Variants in DPF3 observed in about 807,000 individuals in gnomAD.
DPF3 encodes zinc finger protein DPF3.
DPF3 carries 18 observed loss-of-function variants against 56.8 expected under a neutral mutation model. The observed-to-expected ratio is 0.32, with a 90% CI of 0.22 to 0.47. The LOEUF (loss-of-function observed/expected upper bound fraction) is 0.47. DPF3 is among the 20% of genes least tolerant of loss of function. DPF3 has a pLI of 1.00. For synonymous variants in DPF3, 188 were observed against 180.2 expected, an observed-to-expected ratio of 1.04 and a Z score of -0.35; for missense variants, 403 against 488.8, an observed-to-expected ratio of 0.82 and a Z score of 1.65.
chr14:72,784,360 C>T (rs560441821), intron 1 of DPF3, among the ~76,000 whole-genome samples: 1 of 152,060 alleles, frequency 6.6e-6, no homozygotes, highest in East Asian at 1.9e-4. Context: ...TGAGTGCACC[C>T]TAGAAATGCC....
chr14:72,882,723 G>A (rs1599523207), intron 1 of DPF3, among the ~76,000 whole-genome samples: 1 of 152,270 alleles, frequency 6.6e-6, no homozygotes, highest in Middle Eastern at 3.4e-3. Flanking sequence ...TAATTAGCAG[G>A]AGAGAATATA....
Position 72,767,772 on chromosome 14 carries a change from AAAAAAAAC to A in DPF3, c.193+3953_193+3960del, listed in dbSNP as rs779622997. Among the ~76,000 whole-genome samples the A allele has an allele frequency of 5.5e-3, 820 of 150,432 alleles. 6 individuals carry two copies. The highest frequency in any genetic ancestry group is 9.4e-3 in the Non-Finnish European group (636 of 67,594). On this transcript the variant is annotated intron_variant, in intron 2 of 10. Transcript: ENST00000556509. Reference sequence around the variant, plus strand: ...TTCCCAAATTTGGCAAAAAAAAAAAAAAAAAAACCCCATAAACCCACAGGTTGAAGAAG... The same window carrying A: ...TTCCCAAATTTGGCAAAAAAAAAAAACCCATAAACCCACAGGTTGAAGAAG...
intron 1 of DPF3, among the ~76,000 whole-genome samples, chr14:72,806,447 A>T (rs1049482702): frequency 6.6e-6 from 1 of 152,026 alleles, no homozygotes. Context: ...TCCTCTGCTC[A>T]TCTCTCCACA....
At chr14:72,886,962 A>G (rs879008567) in intron 1 of DPF3, among the ~76,000 whole-genome samples, 1 of 152,170 alleles carries the variant, frequency 6.6e-6, no homozygotes, top group Admixed American at 6.5e-5. Context: ...AGACATCAGT[A>G]CAGGTCCACT....
chr14:72,731,923 G>T lies in DPF3; in HGVS notation c.313C>A (p.Pro105Thr), dbSNP rs1356470661. ...LLEIKPEVEL[P>T]LKKDGFTSES... The stretch of plus-strand genomic sequence containing the variant: ...GAGGTGAACCCATCCTTCTTCAGGG[G>T]AAGCTCCACTTCTGAAAAACAAAGA... The change falls in exon 4 of 11, where the codon CCC becomes ACC. Residue 105 changes from proline (P) to threonine (T), a missense_variant. This residue lies in a region of DPF3 where 340 missense variants were observed against 374.3 expected (regional missense o/e 0.91). Transcript: ENST00000556509. The T allele has an allele frequency of 6.3e-7, 1 of 1,587,470 alleles. No individual in the cohort carries two copies. The highest frequency in any genetic ancestry group is 1.8e-5 in the Admixed American group (1 of 55,548).
At chr14:72,691,991 G>C (rs1887709029) in intron 7 of DPF3, among the ~76,000 whole-genome samples, 1 of 152,082 alleles carries the variant, frequency 6.6e-6, no homozygotes, top group Non-Finnish European at 1.5e-5. Flanking sequence ...TATTACGAGG[G>C]GAAAGTGGGG....
At chr14:72,689,744 G>T (rs766507978) in intron 7 of DPF3, among the ~76,000 whole-genome samples, 2 of 152,184 alleles carry the variant, frequency 1.3e-5, no homozygotes, top group Non-Finnish European at 2.9e-5. Context: ...GCAAGTCAGC[G>T]GCGTGTGTGG....
At chr14:72,665,449 A>G (rs1027692030) in intron 8 of DPF3, among the ~76,000 whole-genome samples, 1 of 152,234 alleles carries the variant, frequency 6.6e-6, no homozygotes, top group African/African-American at 2.4e-5. Context: ...TGTCTGAGTC[A>G]CCAGTAATGG....
At chr14:72,800,573 C>G (rs545532283) in intron 1 of DPF3, among the ~76,000 whole-genome samples, 5 of 147,704 alleles carry the variant, frequency 3.4e-5, no homozygotes, top group Non-Finnish European at 7.4e-5. Context: ...TGGATGCATG[C>G]ATGCATGGAT....
At chr14:72,735,902 G>C (rs983970257) in intron 3 of DPF3, among the ~76,000 whole-genome samples, 3 of 152,114 alleles carry the variant, frequency 2.0e-5, no homozygotes, top group Admixed American at 6.5e-5. Context: ...TGATAAATAG[G>C]GTAGAAGATG....
At chr14:72,769,281 T>G (rs1195401980) in intron 2 of DPF3, among the ~76,000 whole-genome samples, 2 of 152,192 alleles carry the variant, frequency 1.3e-5, no homozygotes, top group Non-Finnish European at 2.9e-5. Context: ...AAGAAATAGC[T>G]GATTTCAGTC....
At chr14:72,695,518 T>C (rs1225138609) in intron 6 of DPF3, among the ~76,000 whole-genome samples, 1 of 152,214 alleles carries the variant, frequency 6.6e-6, no homozygotes, top group Non-Finnish European at 1.5e-5. Flanking sequence ...GTAGAACATA[T>C]GGTATTTGAT....
intron 1 of DPF3, among the ~76,000 whole-genome samples, chr14:72,797,973 A>G (rs1892705843): frequency 6.6e-6 from 1 of 152,152 alleles, no homozygotes; most frequent in Non-Finnish European, 1.5e-5. Flanking sequence ...TTCTACTTCC[A>G]GCCAGGCTCA....
At chr14:72,732,934 C>T (rs1463489123) in intron 3 of DPF3, among the ~76,000 whole-genome samples, 1 of 149,812 alleles carries the variant, frequency 6.7e-6, no homozygotes, top group Non-Finnish European at 1.5e-5. Context: ...CTCTCTCTCT[C>T]TTTCTTTCTC....
At chr14:72,665,010 C>A (rs904168983) in intron 8 of DPF3, among the ~76,000 whole-genome samples, 1 of 152,148 alleles carries the variant, frequency 6.6e-6, no homozygotes, top group African/African-American at 2.4e-5. Context: ...TTGTGATTCC[C>A]AGCTTTGCTT....
At chr14:72,785,857 A>G (rs139935159) in intron 1 of DPF3, among the ~76,000 whole-genome samples, 28 of 152,360 alleles carry the variant, frequency 1.8e-4, no homozygotes, top group African/African-American at 6.5e-4. Context: ...CTGAACATCA[A>G]CTAAGGCAGA....
intron 1 of DPF3, among the ~76,000 whole-genome samples, chr14:72,858,492 C>A (rs947941804): frequency 2.0e-5 from 3 of 152,212 alleles, no homozygotes; most frequent in Non-Finnish European, 2.9e-5. Flanking sequence ...AACTTGTGGG[C>A]CATCGTATTC....
intron 8 of DPF3, among the ~76,000 whole-genome samples, chr14:72,660,321 T>C (rs562971136): frequency 6.6e-6 from 1 of 152,136 alleles, no homozygotes; most frequent in South Asian, 2.1e-4. Flanking sequence ...ATGCAAGGCA[T>C]AACGTGATAT....
intron 5 of DPF3, among the ~76,000 whole-genome samples, chr14:72,719,221 C>A (rs11621058): frequency 6.6e-6 from 1 of 151,706 alleles, no homozygotes; most frequent in Non-Finnish European, 1.5e-5. Flanking sequence ...AGGTGCACAC[C>A]GCTCTGCCTG....
Sources: gnomAD v4.1 joint callset for allele counts (sites outside exome capture counted in the v4.1 genomes callset) on GRCh38, gnomAD v4.1.1 for gene constraint, gnomAD v4.1.1 regional missense constraint, MANE v1.5 for transcripts, NCBI Gene and HGNC (gene_info 2026-07-23, HGNC 2026-07-21) for gene names.